The following PALLD variants were observed in gnomAD, a reference collection of about 807,000 sequenced individuals.
The protein encoded by PALLD is palladin.
A neutral mutation model predicts 123.5 loss-of-function variants in PALLD; 61 were observed. The ratio of observed to expected loss-of-function variants is 0.49; its 90% CI spans 0.40 to 0.61. The LOEUF (loss-of-function observed/expected upper bound fraction) is 0.61. Among genes scored for constraint, PALLD ranks in the 20% least tolerant of loss-of-function variants. PALLD has a pLI of 0.00. For missense variants in PALLD, 1,273 were observed against 1,377.0 expected (o/e 0.92, Z 1.20); for synonymous variants, 465 against 496.4 (o/e 0.94, Z 0.84).
intron 2 of PALLD, among the ~76,000 whole-genome samples, chr4:168,534,074 T>A (rs368164951): frequency 9.9e-5 from 15 of 152,208 alleles, no homozygotes; most frequent in African/African-American, 3.4e-4. Flanking sequence ...GCTTTTAACA[T>A]CTTAAGCAAG....
At chr4:168,863,781 A>G (rs1749857200) in intron 10 of PALLD, 1 of 152,232 alleles carries the variant, frequency 6.6e-6, no homozygotes, top group South Asian at 2.1e-4. Flanking sequence ...CACCAAAGAA[A>G]AAAATCACCA....
chr4:168,651,493 A>G (rs1470617527), intron 2 of PALLD, among the ~76,000 whole-genome samples: 1 of 152,196 alleles, frequency 6.6e-6, no homozygotes, highest in Non-Finnish European at 1.5e-5. Context: ...AGAAGTGTGA[A>G]CAGTCACCAT....
intron 2 of PALLD, among the ~76,000 whole-genome samples, chr4:168,624,563 T>C (rs1775060133): frequency 6.6e-6 from 1 of 152,184 alleles, no homozygotes; most frequent in Non-Finnish European, 1.5e-5. Context: ...CCACTCTTAC[T>C]ACTGTTATTT....
intron 10 of PALLD, among the ~76,000 whole-genome samples, chr4:168,842,984 C>T (rs967192584): frequency 3.3e-5 from 5 of 152,138 alleles, no homozygotes; most frequent in Non-Finnish European, 7.4e-5. Context: ...TGATGATAGA[C>T]GGGGGTCCCA....
At chr4:168,508,399 G>A (rs180893637) in intron 1 of PALLD, among the ~76,000 whole-genome samples, 85 of 152,212 alleles carry the variant, frequency 5.6e-4, no homozygotes, top group Admixed American at 1.8e-3. Context: ...TCATATCCCC[G>A]TCCCTAGCGC....
At chr4:168,803,854 T>C (rs1207953128) in intron 10 of PALLD, among the ~76,000 whole-genome samples, 2 of 152,138 alleles carry the variant, frequency 1.3e-5, no homozygotes, top group Non-Finnish European at 2.9e-5. Context: ...TGCAAAACGG[T>C]GTATGAAGTG....
chr4:168,505,374 T>G (rs923907614), intron 1 of PALLD, among the ~76,000 whole-genome samples: 2 of 152,180 alleles, frequency 1.3e-5, no homozygotes, highest in African/African-American at 4.8e-5. Context: ...CTCCCTACAT[T>G]AAGAATTGAA....
intron 10 of PALLD, among the ~76,000 whole-genome samples, chr4:168,819,814 T>C (rs1742466710): frequency 6.6e-6 from 1 of 152,248 alleles, no homozygotes; most frequent in Non-Finnish European, 1.5e-5. Flanking sequence ...TGGCTTATAA[T>C]AACTATTGAG....
intron 10 of PALLD, among the ~76,000 whole-genome samples, chr4:168,790,627 G>A (rs147894514): frequency 1.0e-3 from 152 of 152,106 alleles, no homozygotes; most frequent in African/African-American, 3.5e-3. Context: ...CATGCTTATG[G>A]CTCTTTCTGA....
At chr4:168,818,773 T>G (rs185369377) in intron 10 of PALLD, among the ~76,000 whole-genome samples, 28 of 152,280 alleles carry the variant, frequency 1.8e-4, no homozygotes, top group African/African-American at 6.3e-4. Context: ...TTCTCTTATC[T>G]CAACAATGCA....
intron 10 of PALLD, among the ~76,000 whole-genome samples, chr4:168,794,374 G>A (rs1228780837): frequency 6.6e-6 from 1 of 152,188 alleles, no homozygotes; most frequent in African/African-American, 2.4e-5. Flanking sequence ...TGAGGGGAAA[G>A]CAATCCTCTC....
chr4:168,840,514 T>C (rs1364636081), intron 10 of PALLD, among the ~76,000 whole-genome samples: 2 of 152,178 alleles, frequency 1.3e-5, no homozygotes, highest in Non-Finnish European at 2.9e-5. Flanking sequence ...TCTCCCGCTT[T>C]TCCAGAGCTA....
intron 10 of PALLD, among the ~76,000 whole-genome samples, chr4:168,758,263 T>C (rs1732174159): frequency 6.6e-6 from 1 of 152,118 alleles, no homozygotes; most frequent in Admixed American, 6.6e-5. Flanking sequence ...TGAAGAGGAT[T>C]TGAATAAGCA....
At chr4:168,893,955 A>G (rs1461230388) in intron 11 of PALLD, among the ~76,000 whole-genome samples, 1 of 152,194 alleles carries the variant, frequency 6.6e-6, no homozygotes, top group Non-Finnish European at 1.5e-5. Context: ...TTCTCTGTGG[A>G]TTATAATAGT....
intron 1 of PALLD, 148 bp from the exon 2 acceptor site, chr4:168,511,275 G>A: frequency 1.9e-6 from 1 of 536,086 alleles, no homozygotes; most frequent in South Asian, 2.1e-5. Flanking sequence ...ATCAACACAA[G>A]TATACTTGAT....
intron 10 of PALLD, among the ~76,000 whole-genome samples, chr4:168,736,835 C>T (rs1787806387): frequency 6.6e-6 from 1 of 151,884 alleles, no homozygotes; most frequent in Non-Finnish European, 1.5e-5. Context: ...AATGTGCTGA[C>T]AACTGTGATG....
At chr4:168,670,315 T>C (rs551838704) in intron 3 of PALLD, among the ~76,000 whole-genome samples, 1 of 152,374 alleles carries the variant, frequency 6.6e-6, no homozygotes, top group South Asian at 2.1e-4. Context: ...GTCAACTTAA[T>C]TTAACCAACA....
intron 8 of PALLD, among the ~76,000 whole-genome samples, chr4:168,696,712 C>T (rs997160137): frequency 6.6e-6 from 1 of 151,324 alleles, no homozygotes; most frequent in African/African-American, 2.4e-5. Context: ...GGGGAGGACA[C>T]TTGTAAAACA....
chr4:168,658,748 C>T (rs73864606), intron 2 of PALLD, among the ~76,000 whole-genome samples: 2 of 150,662 alleles, frequency 1.3e-5, no homozygotes, highest in East Asian at 1.9e-4. Flanking sequence ...TATCCTTTTT[C>T]CTTAGGAGAT....
Sources: gnomAD v4.1 joint callset for allele counts (sites outside exome capture counted in the v4.1 genomes callset) on GRCh38, gnomAD v4.1.1 for gene constraint, MANE v1.5 for transcripts, NCBI Gene and HGNC (gene_info 2026-07-23, HGNC 2026-07-21) for gene names.